The following UNC79 variants were observed in gnomAD, a reference collection of about 807,000 sequenced individuals.
UNC79 encodes the protein unc-79 subunit of NALCN channel complex.
Under a neutral mutation model 283.1 loss-of-function variants are expected in UNC79, and 37 were observed. That is an observed-to-expected ratio of 0.13 (90% CI 0.10 to 0.17). UNC79 has a LOEUF of 0.17. UNC79 is among the 10% of genes least tolerant of loss of function. The pLI is 1.00. For synonymous variants in UNC79, 1,107 were observed against 1,200.2 expected (o/e 0.92, Z 1.61); for missense variants, 2,272 against 3,211.1 (o/e 0.71, Z 7.07).
At chr14:93,624,595 C>T (rs1480870565) in intron 30 of UNC79, among the ~76,000 whole-genome samples, 1 of 152,172 alleles carries the variant, frequency 6.6e-6, no homozygotes, top group Non-Finnish European at 1.5e-5. Flanking sequence ...GATTGTTCCC[C>T]AGACTACCAG....
intron 7 of UNC79, among the ~76,000 whole-genome samples, chr14:93,522,657 A>G (rs1221853573): frequency 6.6e-6 from 1 of 152,160 alleles, no homozygotes; most frequent in African/African-American, 2.4e-5. Context: ...TTATTTCTTC[A>G]TCAATCTGTT....
At chr14:93,446,642 C>A (rs1182739491) in intron 1 of UNC79, among the ~76,000 whole-genome samples, 2 of 152,190 alleles carry the variant, frequency 1.3e-5, no homozygotes, top group Non-Finnish European at 2.9e-5. Flanking sequence ...GATCCTCCTG[C>A]CTTGGTCTCC....
intron 22 of UNC79, among the ~76,000 whole-genome samples, chr14:93,590,747 G>C (rs1191187794): frequency 6.6e-6 from 1 of 152,180 alleles, no homozygotes; most frequent in Non-Finnish European, 1.5e-5. Context: ...GTCTGCCCTC[G>C]AGAGCTGGGA....
intron 7 of UNC79, among the ~76,000 whole-genome samples, chr14:93,515,197 A>G (rs1014011540): frequency 3.3e-5 from 5 of 151,860 alleles, no homozygotes; most frequent in Non-Finnish European, 7.4e-5. Flanking sequence ...CCTTTGACCA[A>G]CATTCCCCAA....
At position 93,421,608 on chromosome 14, in the gene UNC79, A is replaced by G. The variant is rs1171987581; in HGVS notation, c.-350-46063A>G. On this transcript the variant is annotated intron_variant, in intron 1 of 49. Transcript: ENST00000256339. ...ATTTCCAAATACATCCTATGAGGCCAATATTACCCTGATACTAAACCAGAC... is the reference window on the plus strand; with the variant it reads ...ATTTCCAAATACATCCTATGAGGCCGATATTACCCTGATACTAAACCAGAC... 2.6e-5 allele frequency among the ~76,000 whole-genome samples: 4 copies of G among 151,640 alleles called. 1 individual carries two copies. The highest frequency in any genetic ancestry group is 5.9e-5 in the Non-Finnish European group (4 of 67,866).
chr14:93,415,280 G>A (rs1302893608), intron 1 of UNC79, among the ~76,000 whole-genome samples: 4 of 152,200 alleles, frequency 2.6e-5, no homozygotes, highest in Non-Finnish European at 5.9e-5. Context: ...AGATAATCAT[G>A]TGGTTTTTGT....
intron 7 of UNC79, among the ~76,000 whole-genome samples, chr14:93,513,576 A>G (rs1010508235): frequency 3.3e-5 from 5 of 152,026 alleles, no homozygotes; most frequent in Non-Finnish European, 5.9e-5. Flanking sequence ...ATGGCCTGAT[A>G]TTTTGTTACC....
intron 4 of UNC79, among the ~76,000 whole-genome samples, chr14:93,478,043 A>G (rs1397418686): frequency 1.3e-5 from 2 of 152,202 alleles, no homozygotes; most frequent in Non-Finnish European, 2.9e-5. Flanking sequence ...AAAGATGGGG[A>G]AAGTATTGTC....
intron 1 of UNC79, among the ~76,000 whole-genome samples, chr14:93,442,383 C>A (rs922852299): frequency 6.6e-6 from 1 of 152,020 alleles, no homozygotes; most frequent in Admixed American, 6.6e-5. Flanking sequence ...TTTTAAAAAT[C>A]TCTTCCTTTA....
chr14:93,594,628 A>C (rs1297798289), intron 23 of UNC79, among the ~76,000 whole-genome samples: 1 of 152,116 alleles, frequency 6.6e-6, no homozygotes, highest in Non-Finnish European at 1.5e-5. Flanking sequence ...CTTGCCACTG[A>C]GGGATCAGGG....
chr14:93,436,693 A>G (rs2056095134), intron 1 of UNC79, among the ~76,000 whole-genome samples: 1 of 152,228 alleles, frequency 6.6e-6, no homozygotes. Context: ...CTCTGCATAA[A>G]TAAACATATA....
chr14:93,625,497 G>A (rs957572022), intron 30 of UNC79, among the ~76,000 whole-genome samples: 4 of 152,254 alleles, frequency 2.6e-5, no homozygotes, highest in East Asian at 1.9e-4. Context: ...CTTCTCCAGC[G>A]ATTGTTTTTT....
chr14:93,580,411 A>G, intron 19 of UNC79, 35 bp downstream of exon 19: 1 of 1,593,406 alleles, frequency 6.3e-7, no homozygotes, highest in African/African-American at 1.3e-5. Context: ...ACCCATGTAT[A>G]ATAGCATTAA....
intron 5 of UNC79, among the ~76,000 whole-genome samples, chr14:93,488,499 G>GTTTT (rs71463911): frequency 6.6e-6 from 1 of 151,006 alleles, no homozygotes; most frequent in Admixed American, 6.6e-5. Context: ...TGACACTGTG[G>GTTTT]TTTTTTTTTG....
At chr14:93,566,669 T>C (rs2062904856) in intron 14 of UNC79, among the ~76,000 whole-genome samples, 1 of 150,876 alleles carries the variant, frequency 6.6e-6, no homozygotes, top group African/African-American at 2.4e-5. Context: ...GACGGAATCT[T>C]GCTCTGTTGC....
intron 14 of UNC79, among the ~76,000 whole-genome samples, chr14:93,561,047 G>A (rs765358639): frequency 5.9e-5 from 9 of 152,144 alleles, no homozygotes; most frequent in Non-Finnish European, 7.3e-5. Context: ...CAAGGATGGA[G>A]GGAAATACAG....
chr14:93,683,134 T>G (rs1247792202), intron 42 of UNC79, among the ~76,000 whole-genome samples: 1 of 139,506 alleles, frequency 7.2e-6, no homozygotes, highest in Non-Finnish European at 1.5e-5. Flanking sequence ...CTAAACTATG[T>G]TTTTTTTTTT....
intron 1 of UNC79, among the ~76,000 whole-genome samples, chr14:93,406,266 T>C (rs1446068676): frequency 6.6e-6 from 1 of 152,164 alleles, no homozygotes; most frequent in African/African-American, 2.4e-5. Context: ...AGTTTATTTC[T>C]GGGATGTGAG....
At chr14:93,416,395 A>G (rs1023307033) in intron 1 of UNC79, among the ~76,000 whole-genome samples, 8 of 151,464 alleles carry the variant, frequency 5.3e-5, no homozygotes, top group Non-Finnish European at 8.8e-5. Context: ...ACAGTTTGTT[A>G]TAATGTCTGA....
Sources: allele counts gnomAD v4.1 joint callset (sites outside exome capture counted in the v4.1 genomes callset), GRCh38; gene constraint gnomAD v4.1.1; transcripts MANE v1.5; gene names NCBI Gene and HGNC (gene_info 2026-07-23, HGNC 2026-07-21).